The following BCAS4 variants were observed in gnomAD, a reference collection of about 807,000 sequenced individuals.
BCAS4 encodes the protein breast carcinoma amplified sequence 4.
Under a neutral mutation model 15.7 loss-of-function variants are expected in BCAS4, and 9 were observed. That is an observed-to-expected ratio of 0.57 (90% CI 0.34 to 1.00). The LOEUF (loss-of-function observed/expected upper bound fraction) is 1.00, where lower values mean the gene tolerates loss of function less well. Among genes scored for constraint, BCAS4 ranks in the 50% least tolerant of loss-of-function variants. The pLI is 0.02. For missense variants in BCAS4, 225 were observed against 239.1 expected, an observed-to-expected ratio of 0.94 and a Z score of 0.39; for synonymous variants, 101 against 99.5, an observed-to-expected ratio of 1.02 and a Z score of -0.09.
chr20:50,827,848 T>C (rs920979620), intron 2 of BCAS4, among the ~76,000 whole-genome samples: 2 of 152,092 alleles, frequency 1.3e-5, no homozygotes, highest in Non-Finnish European at 2.9e-5. Flanking sequence ...TGCCTCAGCC[T>C]CCCGAGTAGC....
chr20:50,803,084 G>A (rs766288519), intron 1 of BCAS4, among the ~76,000 whole-genome samples: 13 of 152,092 alleles, frequency 8.5e-5, no homozygotes, highest in Non-Finnish European at 1.9e-4. Context: ...GGGAGGCTGG[G>A]GCATGAGAAT....
At chr20:50,820,576 C>T (rs2088201991) in intron 2 of BCAS4, among the ~76,000 whole-genome samples, 1 of 152,066 alleles carries the variant, frequency 6.6e-6, no homozygotes, top group South Asian at 2.1e-4. Context: ...GCTCCAGGGA[C>T]ACCTTTGTTT....
chr20:50,806,642 G>A (rs1468417864), intron 1 of BCAS4, among the ~76,000 whole-genome samples: 1 of 151,942 alleles, frequency 6.6e-6, no homozygotes, highest in East Asian at 1.9e-4. Context: ...CTAGAGCCTC[G>A]CTCACTGGCC....
intron 1 of BCAS4, among the ~76,000 whole-genome samples, chr20:50,809,343 G>T (rs2088033129): frequency 1.3e-5 from 2 of 152,022 alleles, no homozygotes; most frequent in South Asian, 4.1e-4. Context: ...CCCAATAGCT[G>T]GGATTACAGG....
At chr20:50,874,849 G>A (rs768980779) in intron 4 of BCAS4, among the ~76,000 whole-genome samples, 24 of 152,206 alleles carry the variant, frequency 1.6e-4, no homozygotes, top group South Asian at 6.2e-4. Flanking sequence ...GTACTGACAC[G>A]CAGCTTTCAG....
chr20:50,866,792 C>G (rs1403273632), intron 4 of BCAS4, among the ~76,000 whole-genome samples: 1 of 152,248 alleles, frequency 6.6e-6, no homozygotes, highest in Non-Finnish European at 1.5e-5. Flanking sequence ...CAAACCCTAG[C>G]TCTGCCAATT....
intron 4 of BCAS4, among the ~76,000 whole-genome samples, chr20:50,844,063 G>T (rs905877574): frequency 6.6e-6 from 1 of 152,106 alleles, no homozygotes; most frequent in Non-Finnish European, 1.5e-5. Flanking sequence ...TGGATCACTT[G>T]AGCCTAGCCT....
intron 4 of BCAS4, among the ~76,000 whole-genome samples, chr20:50,859,740 AG>A (rs888474138): frequency 6.0e-4 from 91 of 151,952 alleles, no homozygotes; most frequent in African/African-American, 2.2e-3. Flanking sequence ...GCGCAGGTTG[AG>A]GGGGGCAGGA....
At chr20:50,836,984 A>AGGCATGAGCCACCAT (rs1176722044) in intron 3 of BCAS4, among the ~76,000 whole-genome samples, 1 of 152,218 alleles carries the variant, frequency 6.6e-6, no homozygotes, top group Non-Finnish European at 1.5e-5. Context: ...CCAAGATTAC[A>AGGCATGAGCCACCAT]GGCATGAGCC....
At chr20:50,847,284 G>A (rs564036709) in intron 4 of BCAS4, among the ~76,000 whole-genome samples, 30 of 152,020 alleles carry the variant, frequency 2.0e-4, no homozygotes, top group Non-Finnish European at 2.9e-4. Context: ...ACGGAGTTTC[G>A]ACACATTGGC....
chr20:50,830,240 T>C (rs1309484523), intron 2 of BCAS4, 39 bp from the exon 3 acceptor site: 1 of 1,549,512 alleles, frequency 6.5e-7, no homozygotes, highest in East Asian at 2.2e-5. Flanking sequence ...GACACAGTGA[T>C]GGGGCAGAAG....
At chr20:50,853,562 T>C (rs1054587508) in intron 4 of BCAS4, among the ~76,000 whole-genome samples, 23 of 152,004 alleles carry the variant, frequency 1.5e-4, no homozygotes, top group Non-Finnish European at 2.9e-4. Context: ...CGGATCCAGT[T>C]CCTGTAGCAT....
At chr20:50,825,733 C>T (rs1355851973) in intron 2 of BCAS4, among the ~76,000 whole-genome samples, 1 of 152,028 alleles carries the variant, frequency 6.6e-6, no homozygotes, top group Non-Finnish European at 1.5e-5. Flanking sequence ...AAAAATTAGC[C>T]AGGCATGGTG....
At chr20:50,806,650 G>A (rs1383530815) in intron 1 of BCAS4, among the ~76,000 whole-genome samples, 3 of 151,930 alleles carry the variant, frequency 2.0e-5, no homozygotes, top group Admixed American at 2.0e-4. Flanking sequence ...TCGCTCACTG[G>A]CCTCTACAGA....
rs1043155157 is a variant in BCAS4, at chr20:50,876,338, G to T, written c.400-148G>T. On this transcript the variant is annotated intron_variant, in intron 4 of 4. Coordinates refer to ENST00000371608, the MANE Select transcript of BCAS4 (RefSeq NM_198799.4). ...TTGGTCCCTTTGGGTGGCCGGCTTTGGCTGTCACAGGCAGTGCTGTCAGAG... is the reference window on the plus strand; with the variant it reads ...TTGGTCCCTTTGGGTGGCCGGCTTTTGCTGTCACAGGCAGTGCTGTCAGAG... 3.9e-6 allele frequency: 4 copies of T among 1,035,260 alleles called. No individual in the cohort carries two copies. The African/African-American group carries it at 1.0e-4, about 26-fold the overall frequency. 64.1% of individuals were successfully genotyped at this position (1,035,260 alleles called of 1,614,324 possible).
chr20:50,866,857 C>T (rs959138186), intron 4 of BCAS4, among the ~76,000 whole-genome samples: 2 of 152,136 alleles, frequency 1.3e-5, no homozygotes, highest in Admixed American at 6.5e-5. Context: ...TCCCCTTTTG[C>T]AAAGTGAGAT....
At chr20:50,859,607 T>A (rs1189332303) in intron 4 of BCAS4, among the ~76,000 whole-genome samples, 4 of 150,992 alleles carry the variant, frequency 2.6e-5, no homozygotes, top group Admixed American at 2.6e-4. Context: ...CTCTGAGACC[T>A]GCTCAGCCCT....
Position 50,874,314 on chromosome 20 carries a change from C to T in BCAS4, c.400-2172C>T, listed in dbSNP as rs924800388. Among the ~76,000 whole-genome samples, 11 of 152,314 alleles carry T rather than the reference C, an allele frequency of 7.2e-5. No homozygotes were observed. The South Asian group carries it at 1.4e-3, about 20-fold the overall frequency. The stretch of plus-strand genomic sequence containing the variant: ...ACCCACTCAGCACAGGCTGTTCCCT[C>T]GGCCTGGAACACCGGCCCTTGGTAC... On this transcript the variant is annotated intron_variant, in intron 4 of 4. Coordinates refer to ENST00000371608, the MANE Select transcript of BCAS4 (RefSeq NM_198799.4).
chr20:50,818,951 A>G (rs6020768), intron 2 of BCAS4, among the ~76,000 whole-genome samples: 59,139 of 151,606 alleles, frequency 0.39, 14,627 homozygotes, highest in African/African-American at 0.72. Context: ...GGGAGGCCAA[A>G]GCGGGCAGAT....
Sources: allele counts gnomAD v4.1 joint callset (sites outside exome capture counted in the v4.1 genomes callset), GRCh38; gene constraint gnomAD v4.1.1; transcripts MANE v1.5; gene names NCBI Gene and HGNC (gene_info 2026-07-23, HGNC 2026-07-21).